The following LRP2 variants were observed in gnomAD, a reference collection of about 807,000 sequenced individuals.
LRP2 encodes the protein low-density lipoprotein receptor-related protein 2.
LRP2 carries 172 observed loss-of-function variants against 531.0 expected under a neutral mutation model. The observed-to-expected ratio is 0.32, with a 90% CI of 0.29 to 0.37. The LOEUF is 0.37. Among genes scored for constraint, LRP2 ranks in the 10% least tolerant of loss-of-function variants. The pLI is 1.00. For synonymous variants in LRP2, 1,992 were observed against 2,027.6 expected (o/e 0.98, Z 0.47); for missense variants, 5,167 against 5,868.3 (o/e 0.88, Z 3.90).
intron 26 of LRP2, 85 bp downstream of exon 26, chr2:169,239,442 A>C: frequency 1.9e-6 from 3 of 1,610,270 alleles, no homozygotes; most frequent in South Asian, 2.2e-5. Flanking sequence ...ACTCCTAATC[A>C]ACATTGTCAA....
intron 9 of LRP2, among the ~76,000 whole-genome samples, chr2:169,286,542 G>A (rs974998869): frequency 7.9e-5 from 12 of 152,156 alleles, no homozygotes; most frequent in South Asian, 2.1e-4. Flanking sequence ...ACAGCCTTTC[G>A]CTTTGTGAGA....
chr2:169,149,843 A>T (rs1436309599), intron 68 of LRP2, among the ~76,000 whole-genome samples: 5 of 151,864 alleles, frequency 3.3e-5, no homozygotes, highest in Admixed American at 2.6e-4. Context: ...CTCCAAAAAA[A>T]TTAAAAAAAA....
At chr2:169,198,762 A>G (rs1688087741) in intron 45 of LRP2, 24 bp downstream of exon 45, 2 of 1,612,086 alleles carry the variant, frequency 1.2e-6, no homozygotes, top group Non-Finnish European at 8.5e-7. Context: ...AACGATAGAA[A>G]GAAAGCAGTT....
At chr2:169,168,818 C>T (rs1175585517) in intron 60 of LRP2, 142 bp from the exon 61 acceptor site, 4 of 912,750 alleles carry the variant, frequency 4.4e-6, no homozygotes, top group Middle Eastern at 2.8e-4. Flanking sequence ...CTTGACCTGT[C>T]TGAAAGTTGA....
chr2:169,142,938 C>G, intron 70 of LRP2, 145 bp from the exon 71 acceptor site: 1 of 849,214 alleles, frequency 1.2e-6, no homozygotes, highest in Non-Finnish European at 2.0e-6. Flanking sequence ...GGCCACTCAC[C>G]CTCATTTACA....
Position 169,233,475 on chromosome 2 carries a change from A to T in LRP2, c.5034T>A (p.Val1678=). 6.2e-7 allele frequency: 1 copy of T among 1,614,186 alleles called. No homozygotes were observed. The highest frequency in any genetic ancestry group is 1.6e-4 in the Middle Eastern group (1 of 6,062). The change falls in exon 30 of 79, where the codon GTT becomes GTA. Residue 1678 remains valine, a synonymous_variant. Coordinates refer to ENST00000649046, the MANE Select transcript of LRP2 (RefSeq NM_004525.3). The part of the protein sequence containing the change: ...ANKWHGGNQS[V]VMYNIQWPLG... ...GGGGCCATTGAATATTATACATTAC[A>T]ACTGACTGGTTCCCTCCATGCCACT... is the stretch of plus-strand genomic sequence containing the variant.
intron 48 of LRP2, 92 bp from the exon 49 acceptor site, chr2:169,188,357 C>T: frequency 1.6e-6 from 2 of 1,235,406 alleles, no homozygotes; most frequent in Non-Finnish European, 2.4e-6. Context: ...CTTTATCTAC[C>T]TAAATGCCAG....
At chr2:169,196,493 C>T (rs937516373) in intron 46 of LRP2, among the ~76,000 whole-genome samples, 8 of 152,156 alleles carry the variant, frequency 5.3e-5, no homozygotes, top group Non-Finnish European at 8.8e-5. Flanking sequence ...AGAGAGAGAA[C>T]AGGAAGAGGA....
rs1685583017 is a variant in LRP2, at chr2:169,342,257, G to T, written c.79+20064C>A. ...AATTAACATACACATACATTGAAAA[G>T]ACATGTCTAATATTCCCATAAATAA... On this transcript the variant is annotated intron_variant, in intron 1 of 78. Coordinates refer to ENST00000649046, the MANE Select transcript of LRP2 (RefSeq NM_004525.3). Among the ~76,000 whole-genome samples the T allele has an allele frequency of 2.7e-5, 4 of 146,294 alleles. No homozygotes were observed. In the South Asian group the frequency reaches 8.6e-4, roughly 32 times the overall value.
At chr2:169,220,299 A>T (rs1240574307) in intron 34 of LRP2, among the ~76,000 whole-genome samples, 155 bp downstream of exon 34, 4 of 152,210 alleles carry the variant, frequency 2.6e-5, no homozygotes. Context: ...TATAGGTCAG[A>T]GCTATTTCTC....
Position 169,267,044 on chromosome 2 carries a change from C to A in LRP2, c.2320+3860G>T, listed in dbSNP as rs555946711. 3.0e-4 allele frequency among the ~76,000 whole-genome samples: 45 copies of A among 151,798 alleles called. No individual in the cohort carries two copies. The South Asian group carries it at 8.2e-3, about 28-fold the overall frequency. On this transcript the variant is annotated intron_variant, in intron 16 of 78. Transcript: ENST00000649046. ...TGGGGACTACAGGTACATGCCACCA[C>A]ATCTGGCTAATTTTTTTCTTTTTTT...
At chr2:169,260,419 AG>A (rs1265634185) in intron 16 of LRP2, among the ~76,000 whole-genome samples, 2 of 151,938 alleles carry the variant, frequency 1.3e-5, no homozygotes, top group Admixed American at 1.3e-4. Flanking sequence ...AAAGAGAGGG[AG>A]ATGTTCATGA....
At chr2:169,264,069 G>A (rs1283123099) in intron 16 of LRP2, among the ~76,000 whole-genome samples, 1 of 152,032 alleles carries the variant, frequency 6.6e-6, no homozygotes, top group Non-Finnish European at 1.5e-5. Context: ...ACACAGGAAG[G>A]GGAACATCAC....
intron 72 of LRP2, 69 bp from the exon 73 acceptor site, chr2:169,139,679 C>T: frequency 1.5e-6 from 2 of 1,313,964 alleles, no homozygotes; most frequent in Non-Finnish European, 2.2e-6. Context: ...TTTCTGAGCA[C>T]ATCCTGAAGT....
At position 169,173,215 on chromosome 2, in the gene LRP2, G is replaced by A. The variant is rs1055394790; in HGVS notation, c.11024C>T (p.Ala3675Val). The stretch of plus-strand genomic sequence containing the variant: ...TTCTGTGAAGTTGTCACAGAGATGG[G>A]CAGAGCTCACTGAAAAGGGAGGAGG... ...DEPIEECMSSAHLCDNFTEFS... is the reference protein window; with the variant it reads ...DEPIEECMSSVHLCDNFTEFS... Residue 3675 changes from alanine to valine, a missense_variant, in exon 57 of 79, where the codon GCC becomes GTC. Physicochemically the swap from Ala to Val is moderately conservative, Grantham distance 64. Coordinates refer to ENST00000649046, the MANE Select transcript of LRP2 (RefSeq NM_004525.3). 1 of 1,614,144 alleles carries A rather than the reference G, an allele frequency of 6.2e-7. No homozygotes were observed. Among genetic ancestry groups the A allele is most frequent in the Non-Finnish European group, 8.5e-7 (1 of 1,180,014 alleles).
chr2:169,315,460 A>C (rs1684732463), intron 3 of LRP2, among the ~76,000 whole-genome samples: 1 of 152,206 alleles, frequency 6.6e-6, no homozygotes, highest in South Asian at 2.1e-4. Context: ...GTAGGCCAAA[A>C]GCAAAGAAGG....
Position 169,241,284 on chromosome 2 carries a change from C to A in LRP2, c.3749G>T (p.Cys1250Phe). 2 of 1,614,208 alleles carry A rather than the reference C, an allele frequency of 1.2e-6. No individual in the cohort carries two copies. The highest frequency in any genetic ancestry group is 1.7e-6 in the Non-Finnish European group (2 of 1,180,026). The change falls in exon 25 of 79, where the codon TGT becomes TTT. Residue 1250 changes from cysteine (C) to phenylalanine (F), a missense_variant. Physicochemically the swap from Cys to Phe is radical, Grantham distance 205 (BLOSUM62 -2). Transcript: ENST00000649046. ...ATAGAGGCAGTCTGGATGCCCATCA[C>A]ATTCCCAGAAGTTCGGGATGCAGAT... The part of the protein sequence containing the change: ...DGICIPNFWE[C>F]DGHPDCLYGS...
In LRP2 at chr2:169,127,259, C is replaced by T. The variant is rs1283332484; in HGVS notation, c.*1404G>A. The T allele has an allele frequency of 6.6e-6, 1 of 152,350 alleles. No individual in the cohort carries two copies. The highest frequency in any genetic ancestry group is 2.4e-5 in the African/African-American group (1 of 41,250). The allele number at this position is 152,350 out of a possible 1,614,324, so 9.4% of individuals were successfully genotyped here. On this transcript the variant is annotated 3_prime_UTR_variant, in exon 79 of 79. Transcript: ENST00000649046. The stretch of plus-strand genomic sequence containing the variant: ...AATAATCAGTAGTATATGTTTCATT[C>T]ATTCATCCATCCATCCATCCATCCA...
intron 44 of LRP2, among the ~76,000 whole-genome samples, chr2:169,199,942 T>C (rs886117237): frequency 6.6e-6 from 1 of 152,192 alleles, no homozygotes; most frequent in Non-Finnish European, 1.5e-5. Flanking sequence ...TAAATTTCAA[T>C]GGGAAATATC....
Sources: allele counts gnomAD v4.1 joint callset (sites outside exome capture counted in the v4.1 genomes callset), GRCh38; gene constraint gnomAD v4.1.1; transcripts MANE v1.5; gene names NCBI Gene and HGNC (gene_info 2026-07-23, HGNC 2026-07-21).